The following GRIK1 variants were observed in gnomAD, a reference collection of about 807,000 sequenced individuals.
GRIK1 encodes glutamate ionotropic receptor kainate type subunit 1.
Under a neutral mutation model 105.7 loss-of-function variants are expected in GRIK1, and 69 were observed. That is an observed-to-expected ratio of 0.65 (90% CI 0.54 to 0.80). The LOEUF is 0.80. GRIK1 is among the 30% of genes least tolerant of loss of function. The pLI is 0.00. For synonymous variants in GRIK1, 438 were observed against 431.3 expected (o/e 1.02, Z -0.19); for missense variants, 1,109 against 1,167.3 (o/e 0.95, Z 0.73).
intron 1 of GRIK1, among the ~76,000 whole-genome samples, chr21:29,905,816 C>A (rs1186502658): frequency 6.6e-6 from 1 of 151,900 alleles, no homozygotes; most frequent in Non-Finnish European, 1.5e-5. Context: ...TTAGTAGAGA[C>A]GGGATTTTGC....
chr21:29,882,698 C>T (rs2069465565), intron 1 of GRIK1, among the ~76,000 whole-genome samples: 1 of 152,078 alleles, frequency 6.6e-6, no homozygotes, highest in African/African-American at 2.4e-5. Flanking sequence ...ATCTCACATG[C>T]ATATTCCCTG....
chr21:29,867,850 A>AAGAGAGAAAGAGAGAAAG, intron 1 of GRIK1, among the ~76,000 whole-genome samples: 1 of 142,578 alleles, frequency 7.0e-6, no homozygotes, highest in African/African-American at 2.7e-5. Flanking sequence ...GAAGGAAGGA[A>AAGAGAGAAAGAGAGAAAG]AGAGAGAAAG....
chr21:29,670,080 C>T (rs1309160556), intron 4 of GRIK1, among the ~76,000 whole-genome samples: 1 of 152,108 alleles, frequency 6.6e-6, no homozygotes, highest in Non-Finnish European at 1.5e-5. Context: ...TTCCAAAAAG[C>T]GCAATTGCCC....
chr21:29,778,863 G>A (rs1303779583), intron 1 of GRIK1, among the ~76,000 whole-genome samples: 3 of 152,112 alleles, frequency 2.0e-5, no homozygotes, highest in African/African-American at 7.2e-5. Flanking sequence ...TTGGCTTCTG[G>A]TCCTTCCTGA....
chr21:29,698,285 A>G (rs189816177), intron 1 of GRIK1, among the ~76,000 whole-genome samples: 98 of 152,284 alleles, frequency 6.4e-4, no homozygotes, highest in Middle Eastern at 3.4e-3. Flanking sequence ...TCTACTCCTA[A>G]CAATGATGTG....
chr21:29,616,085 G>C (rs370407192), intron 7 of GRIK1, among the ~76,000 whole-genome samples: 1 of 152,206 alleles, frequency 6.6e-6, no homozygotes, highest in African/African-American at 2.4e-5. Flanking sequence ...CTCTTTGAAA[G>C]CTAACACTGC....
At position 29,815,831 on chromosome 21, in the gene GRIK1, T is replaced by A. The variant is rs150256520; in HGVS notation, c.119-121768A>T. Among the ~76,000 whole-genome samples, 322 of 152,054 alleles carry A rather than the reference T, an allele frequency of 2.1e-3. 2 individuals are homozygous for A. Among genetic ancestry groups the A allele is most frequent in the African/African-American group, 6.4e-3 (267 of 41,498 alleles). On this transcript the variant is annotated intron_variant, in intron 1 of 17. Coordinates refer to ENST00000327783, the MANE Select transcript of GRIK1 (RefSeq NM_001330994.2). ...AGATTAATGACTTAAATATAAGACATGAAACTATAAAACTACTAGAAGAAA... is the reference window on the plus strand; with the variant it reads ...AGATTAATGACTTAAATATAAGACAAGAAACTATAAAACTACTAGAAGAAA...
chr21:29,754,696 G>A lies in GRIK1; in HGVS notation c.119-60633C>T, dbSNP rs192208348. ...GCAAGGTATTTTGTAGACCTTGTTA[G>A]CATCTGCAATCTGTTCACTTTCAGT... On this transcript the variant is annotated intron_variant, in intron 1 of 17. Transcript: ENST00000327783. Among the ~76,000 whole-genome samples the A allele has an allele frequency of 2.0e-5, 3 of 152,288 alleles. No homozygotes were observed. In the East Asian group the frequency reaches 5.8e-4, roughly 29 times the overall value.
At chr21:29,607,328 T>A (rs1291170554) in intron 7 of GRIK1, among the ~76,000 whole-genome samples, 1 of 152,058 alleles carries the variant, frequency 6.6e-6, no homozygotes, top group Non-Finnish European at 1.5e-5. Flanking sequence ...TGTTCTATGT[T>A]TCCTTTCAAG....
At chr21:29,919,861 T>C (rs1443870897) in intron 1 of GRIK1, among the ~76,000 whole-genome samples, 1 of 152,162 alleles carries the variant, frequency 6.6e-6, no homozygotes, top group Non-Finnish European at 1.5e-5. Context: ...AAAATTGATA[T>C]TAAACAGTGA....
intron 4 of GRIK1, among the ~76,000 whole-genome samples, chr21:29,669,401 T>A (rs2063122369): frequency 6.6e-6 from 1 of 152,212 alleles, no homozygotes; most frequent in South Asian, 2.1e-4. Context: ...TGGCAGTGAT[T>A]TCAGCTACCA....
At chr21:29,914,885 A>G (rs1286324404) in intron 1 of GRIK1, among the ~76,000 whole-genome samples, 1 of 152,128 alleles carries the variant, frequency 6.6e-6, no homozygotes, top group Non-Finnish European at 1.5e-5. Flanking sequence ...CGGGAGCATT[A>G]TTAAACCACA....
intron 9 of GRIK1, 197 bp downstream of exon 9, chr21:29,596,329 A>G (rs1425815083): frequency 1.4e-6 from 1 of 704,364 alleles, no homozygotes; most frequent in East Asian, 2.7e-5. Flanking sequence ...ATCCACTGCA[A>G]ACCTGTTTTC....
intron 1 of GRIK1, among the ~76,000 whole-genome samples, chr21:29,787,681 C>G (rs758264779): frequency 2.6e-5 from 4 of 152,158 alleles, no homozygotes; most frequent in Non-Finnish European, 5.9e-5. Context: ...TTAGAGATAT[C>G]CTTGACATTT....
intron 1 of GRIK1, among the ~76,000 whole-genome samples, chr21:29,767,372 T>A (rs781096436): frequency 6.6e-6 from 1 of 152,176 alleles, no homozygotes; most frequent in Non-Finnish European, 1.5e-5. Flanking sequence ...TGGAATTCTT[T>A]TGAACATTTT....
chr21:29,633,219 C>T (rs2062320953), intron 7 of GRIK1, among the ~76,000 whole-genome samples: 1 of 151,886 alleles, frequency 6.6e-6, no homozygotes, highest in Non-Finnish European at 1.5e-5. Context: ...AAATAAATTT[C>T]TGGCTGGGCA....
chr21:29,732,661 GA>G (rs1451902829), intron 1 of GRIK1, among the ~76,000 whole-genome samples: 7 of 152,022 alleles, frequency 4.6e-5, no homozygotes, highest in African/African-American at 1.7e-4. Flanking sequence ...TTTAAATAAG[GA>G]AAAAAGTTCT....
intron 1 of GRIK1, among the ~76,000 whole-genome samples, chr21:29,737,751 G>A (rs1238055552): frequency 6.6e-6 from 1 of 152,166 alleles, no homozygotes; most frequent in African/African-American, 2.4e-5. Flanking sequence ...GTCACGTGAA[G>A]GTTTTCTACC....
rs748787787 is a variant in GRIK1 at position 29,782,150 on chromosome 21, G to T, written c.119-88087C>A. ...CGCCCAGGCTGGAGTGCAGTGGCGC[G>T]ATCTCGGCTCACTGCAAGCTCTGCC... On this transcript the variant is annotated intron_variant, in intron 1 of 17. Coordinates refer to ENST00000327783, the MANE Select transcript of GRIK1 (RefSeq NM_001330994.2). Among the ~76,000 whole-genome samples, 6 of 143,858 alleles carry T rather than the reference G, an allele frequency of 4.2e-5. No homozygotes were observed. The East Asian group carries it at 1.1e-3, about 25-fold the overall frequency. The allele number at this position is 143,858 out of a possible 152,430, so 94.4% of individuals were successfully genotyped here.
Sources: gnomAD v4.1 joint callset for allele counts (sites outside exome capture counted in the v4.1 genomes callset) on GRCh38, gnomAD v4.1.1 for gene constraint, MANE v1.5 for transcripts, NCBI Gene and HGNC (gene_info 2026-07-23, HGNC 2026-07-21) for gene names.